The following RBMS3 variants were observed in gnomAD, a reference collection of about 807,000 sequenced individuals.
The protein encoded by RBMS3 is RNA binding motif single stranded interacting protein 3, also known as RNA-binding motif, single-stranded-interacting protein 3.
Under a neutral mutation model 66.8 loss-of-function variants are expected in RBMS3, and 27 were observed. The ratio of observed to expected loss-of-function variants is 0.40; its 90% confidence interval spans 0.30 to 0.56. The LOEUF (loss-of-function observed/expected upper bound fraction) is 0.56, where lower values mean the gene tolerates loss of function less well. Among genes scored for constraint, RBMS3 ranks in the 20% least tolerant of loss-of-function variants. The pLI, the probability that RBMS3 is intolerant of heterozygous loss-of-function variation, is 0.40. For synonymous variants in RBMS3, 188 were observed against 183.0 expected (o/e 1.03, Z -0.22); for missense variants, 513 against 549.5 (o/e 0.93, Z 0.66).
chr3:29,526,668 G>T (rs1473775855), intron 3 of RBMS3, among the ~76,000 whole-genome samples: 1 of 150,728 alleles, frequency 6.6e-6, no homozygotes, highest in African/African-American at 2.4e-5. Flanking sequence ...AGATGCCACT[G>T]GTGTAAAATT....
At chr3:29,786,728 C>G (rs1474527612) in intron 6 of RBMS3, among the ~76,000 whole-genome samples, 1 of 152,094 alleles carries the variant, frequency 6.6e-6, no homozygotes, top group African/African-American at 2.4e-5. Context: ...GAGCTGAAAC[C>G]ATAAAGATTC....
chr3:29,745,015 C>G (rs1286047943), intron 5 of RBMS3, among the ~76,000 whole-genome samples: 15 of 151,856 alleles, frequency 9.9e-5, no homozygotes, highest in Non-Finnish European at 1.8e-4. Flanking sequence ...CTGGAAAGAA[C>G]CCCCCCGCCT....
At chr3:29,950,989 G>T (rs2149715081) in intron 12 of RBMS3, among the ~76,000 whole-genome samples, 1 of 151,986 alleles carries the variant, frequency 6.6e-6, no homozygotes, top group South Asian at 2.1e-4. Flanking sequence ...TATCAGGATA[G>T]TTGGAATTAG....
At chr3:29,416,646 A>G (rs1009406988) in intron 1 of RBMS3, among the ~76,000 whole-genome samples, 9 of 151,816 alleles carry the variant, frequency 5.9e-5, no homozygotes, top group Admixed American at 5.9e-4. Flanking sequence ...TCTTTGTGTT[A>G]TTGCTAGCTG....
At chr3:29,786,126 A>G (rs185416425) in intron 6 of RBMS3, among the ~76,000 whole-genome samples, 45 of 151,586 alleles carry the variant, frequency 3.0e-4, no homozygotes, top group Middle Eastern at 6.8e-3. Context: ...TTAGAAATGT[A>G]CCTAAGAACA....
intron 2 of RBMS3, among the ~76,000 whole-genome samples, chr3:29,472,864 T>A (rs1209503480): frequency 6.6e-6 from 1 of 152,180 alleles, no homozygotes; most frequent in African/African-American, 2.4e-5. Context: ...CCCAAGCGGT[T>A]GCCATGGCTG....
rs566126592 is a variant in RBMS3, at chr3:29,573,246, G to A, written c.308-13868G>A. ...AGTGATTCTCCCACCTCAGCCTCCC[G>A]ACTAGCTGGGATTACAGGTGCTTGC... On this transcript the variant is annotated intron_variant, in intron 3 of 14. Transcript: ENST00000383767. Among the ~76,000 whole-genome samples, 17 of 152,062 alleles carry A rather than the reference G, an allele frequency of 1.1e-4. No individual in the cohort carries two copies. The East Asian group carries it at 2.1e-3, about 19-fold the overall frequency.
chr3:29,880,845 C>T (rs1179788963), intron 7 of RBMS3: 2 of 1,528,468 alleles, frequency 1.3e-6, no homozygotes, highest in Middle Eastern at 1.7e-4. Context: ...TCATTCCCGA[C>T]CCTTTTGCAA....
chr3:29,312,518 AC>A (rs1486980270), intron 1 of RBMS3, among the ~76,000 whole-genome samples: 1 of 151,768 alleles, frequency 6.6e-6, no homozygotes, highest in East Asian at 1.9e-4. Context: ...GTAAGTGACC[AC>A]AAATTTAAAT....
At chr3:29,635,976 T>A (rs985315556) in intron 4 of RBMS3, among the ~76,000 whole-genome samples, 2 of 151,594 alleles carry the variant, frequency 1.3e-5, no homozygotes, top group Non-Finnish European at 2.9e-5. Context: ...ATAAGGCCAC[T>A]GTAGCTGCAA....
intron 1 of RBMS3, among the ~76,000 whole-genome samples, chr3:29,408,063 G>C (rs1203826222): frequency 6.6e-6 from 1 of 151,880 alleles, no homozygotes; most frequent in Non-Finnish European, 1.5e-5. Flanking sequence ...ACGAGGTCAG[G>C]AGATCGAGAC....
chr3:29,736,845 G>C (rs2054401233), intron 4 of RBMS3, among the ~76,000 whole-genome samples: 1 of 152,200 alleles, frequency 6.6e-6, no homozygotes, highest in Non-Finnish European at 1.5e-5. Flanking sequence ...TTGCAACAGA[G>C]AGTGAAGCGG....
intron 3 of RBMS3, among the ~76,000 whole-genome samples, chr3:29,524,712 G>A (rs2045020997): frequency 6.6e-6 from 1 of 151,766 alleles, no homozygotes; most frequent in South Asian, 2.1e-4. Context: ...ACAAAGTGCT[G>A]GGATTACAGG....
intron 1 of RBMS3, among the ~76,000 whole-genome samples, chr3:29,420,724 A>G (rs907501140): frequency 3.9e-5 from 6 of 152,098 alleles, no homozygotes; most frequent in South Asian, 4.2e-4. Context: ...CTTTTAGTGC[A>G]TAGAGCAAGC....
intron 2 of RBMS3, among the ~76,000 whole-genome samples, chr3:29,448,382 T>C (rs1326541913): frequency 1.3e-5 from 2 of 152,232 alleles, no homozygotes; most frequent in Non-Finnish European, 2.9e-5. Context: ...ATGCTTTTTA[T>C]GTCACAGTCA....
intron 5 of RBMS3, among the ~76,000 whole-genome samples, chr3:29,748,649 G>C (rs2149362212): frequency 6.6e-6 from 1 of 152,148 alleles, no homozygotes; most frequent in South Asian, 2.1e-4. Context: ...TGTGAGGAGG[G>C]GCATGATCAA....
Position 29,684,779 on chromosome 3 carries a change from T to TACACACACACAC in RBMS3, c.400-54915_400-54904dup, listed in dbSNP as rs10570309. 6.9e-4 allele frequency among the ~76,000 whole-genome samples: 100 copies of TACACACACACAC among 145,768 alleles called. 1 individual carries two copies. Among genetic ancestry groups the TACACACACACAC allele is most frequent in the African/African-American group, 2.5e-3 (96 of 38,688 alleles). On this transcript the variant is annotated intron_variant, in intron 4 of 14. Coordinates refer to ENST00000383767, the MANE Select transcript of RBMS3 (RefSeq NM_001003793.3). ...CAGGTAAAATGTAAGGTTTGTTATG[T>TACACACACACAC]ACACACACACACACACACACACACA...
At chr3:29,653,442 A>T (rs549788375) in intron 4 of RBMS3, among the ~76,000 whole-genome samples, 1 of 152,274 alleles carries the variant, frequency 6.6e-6, no homozygotes, top group African/African-American at 2.4e-5. Context: ...CTGAAGGATG[A>T]TACAGAACTG....
intron 12 of RBMS3, among the ~76,000 whole-genome samples, chr3:29,953,889 C>T (rs553448087): frequency 2.0e-5 from 3 of 151,892 alleles, no homozygotes; most frequent in South Asian, 4.2e-4. Flanking sequence ...ACATTTTATC[C>T]GATCTTCAAA....
Sources: gnomAD v4.1 joint callset for allele counts (sites outside exome capture counted in the v4.1 genomes callset) on GRCh38, gnomAD v4.1.1 for gene constraint, MANE v1.5 for transcripts, NCBI Gene and HGNC (gene_info 2026-07-23, HGNC 2026-07-21) for gene names.